EPHA3: variants seen among roughly 807,000 people sequenced by gnomAD.
EPHA3 encodes the protein ephrin type-A receptor 3.
In EPHA3, 42 loss-of-function variants were observed where a neutral mutation model predicts 107.1. That is an observed-to-expected ratio of 0.39 (90% CI 0.31 to 0.51). EPHA3 has a LOEUF of 0.51. Ranked by LOEUF, EPHA3 falls within the 20% of genes least tolerant of loss-of-function variation. The pLI is 0.78. For synonymous variants in EPHA3, 461 were observed against 424.8 expected (o/e 1.09, Z -1.05); for missense variants, 1,183 against 1,211.2 (o/e 0.98, Z 0.35).
In EPHA3 at chr3:89,429,135, A is replaced by C. The variant is rs766217704; in HGVS notation, c.2104A>C (p.Met702Leu). The C allele has an allele frequency of 6.2e-7, 1 of 1,610,864 alleles. No homozygotes were observed. The change falls in exon 12 of 17, where the codon ATG (methionine) becomes CTG (leucine). Residue 702 changes from methionine to leucine, a missense_variant. Met to Leu is a conservative substitution (Grantham distance 15). Coordinates refer to ENST00000336596, the MANE Select transcript of EPHA3 (RefSeq NM_005233.6). ...SKPVMIVTEY[M>L]ENGSLDSFLR... Reference sequence around the variant, plus strand: ...GCCAGTTATGATTGTCACAGAATACATGGAGAATGGTTCCTTGGATAGTTT... The same window carrying C: ...GCCAGTTATGATTGTCACAGAATACCTGGAGAATGGTTCCTTGGATAGTTT...
intron 5 of EPHA3, among the ~76,000 whole-genome samples, chr3:89,387,478 T>C (rs139977125): frequency 1.3e-5 from 2 of 152,182 alleles, no homozygotes; most frequent in Non-Finnish European, 2.9e-5. Context: ...TGAGTAACTA[T>C]GTCAATTAAG....
At chr3:89,297,537 C>T (rs1289765233) in intron 3 of EPHA3, among the ~76,000 whole-genome samples, 1 of 151,914 alleles carries the variant, frequency 6.6e-6, no homozygotes, top group African/African-American at 2.4e-5. Flanking sequence ...TCAAAGATCT[C>T]GGATCATAGA....
chr3:89,438,881 A>G (rs1709725791), intron 13 of EPHA3, among the ~76,000 whole-genome samples: 1 of 152,236 alleles, frequency 6.6e-6, no homozygotes, highest in Non-Finnish European at 1.5e-5. Flanking sequence ...ACTTAATGAA[A>G]AGTCTAGTAC....
At chr3:89,203,159 A>G (rs182849251) in intron 2 of EPHA3, among the ~76,000 whole-genome samples, 60 of 152,150 alleles carry the variant, frequency 3.9e-4, no homozygotes, top group Non-Finnish European at 6.6e-4. Context: ...GCAGACGTTA[A>G]AAGTCCAGTT....
At chr3:89,145,617 T>G (rs1299437407) in intron 2 of EPHA3, among the ~76,000 whole-genome samples, 2 of 151,854 alleles carry the variant, frequency 1.3e-5, no homozygotes, top group Non-Finnish European at 2.9e-5. Flanking sequence ...ATGAGTCAAA[T>G]TTTTTAAAAT....
In EPHA3 at chr3:89,479,347, T is replaced by G. The variant is rs752440947; in HGVS notation, c.2847-50T>G. ...ATTGTGCTAATTGAAAATCTCCTGC[T>G]TATACACTATCGAGGAAACCGATTC... On this transcript the variant is annotated intron_variant, in intron 16 of 16. Coordinates refer to ENST00000336596, the MANE Select transcript of EPHA3 (RefSeq NM_005233.6). 5.5e-6 allele frequency: 8 copies of G among 1,446,448 alleles called. No homozygotes were observed. In the African/African-American group the frequency reaches 7.0e-5, roughly 13 times the overall value. 89.6% of individuals were successfully genotyped at this position (1,446,448 alleles called of 1,614,324 possible).
chr3:89,447,237 A>G (rs1709893116), intron 13 of EPHA3, among the ~76,000 whole-genome samples: 1 of 152,026 alleles, frequency 6.6e-6, no homozygotes, highest in Non-Finnish European at 1.5e-5. Flanking sequence ...GGTCTCTCCA[A>G]TTTCATTTGT....
At chr3:89,386,829 T>C (rs1708632583) in intron 5 of EPHA3, among the ~76,000 whole-genome samples, 1 of 152,238 alleles carries the variant, frequency 6.6e-6, no homozygotes, top group African/African-American at 2.4e-5. Flanking sequence ...GACTTGGATA[T>C]GAGACATGGA....
intron 11 of EPHA3, among the ~76,000 whole-genome samples, chr3:89,422,192 A>AACACACACACAC (rs56370135): frequency 1.1e-4 from 16 of 140,570 alleles, no homozygotes; most frequent in African/African-American, 3.9e-4. Context: ...TGTTGTATTT[A>AACACACACACAC]ACACACACAC....
intron 5 of EPHA3, among the ~76,000 whole-genome samples, chr3:89,391,424 T>TC (rs1419505410): frequency 7.1e-6 from 1 of 140,046 alleles, no homozygotes; most frequent in Non-Finnish European, 1.5e-5. Context: ...TTCTTTTCTT[T>TC]TTTTTTTTTT....
At chr3:89,408,194 T>C in intron 9 of EPHA3, 63 bp downstream of exon 9, 1 of 1,504,222 alleles carries the variant, frequency 6.6e-7, no homozygotes, top group Non-Finnish European at 9.2e-7. Flanking sequence ...GTTATTGATT[T>C]ACAATTGGTT....
At position 89,333,273 on chromosome 3, in the gene EPHA3, T is replaced by G. The variant is rs560641577; in HGVS notation, c.815-7643T>G. ...CCCCATATGGGCCCACAGTGTTTAG[T>G]TCCTGTTTTATTGTTTCCCCTTCAT... On this transcript the variant is annotated intron_variant, in intron 3 of 16. Transcript: ENST00000336596. Among the ~76,000 whole-genome samples the G allele has an allele frequency of 1.6e-4, 25 of 152,310 alleles. No individual in the cohort carries two copies. The East Asian group carries it at 3.3e-3, about 20-fold the overall frequency.
At chr3:89,147,190 G>A (rs1270189826) in intron 2 of EPHA3, among the ~76,000 whole-genome samples, 11 of 151,832 alleles carry the variant, frequency 7.2e-5, no homozygotes, top group Non-Finnish European at 1.2e-4. Context: ...TGTCGGGGGT[G>A]GGGGTAAGGG....
intron 5 of EPHA3, among the ~76,000 whole-genome samples, chr3:89,342,863 A>G (rs1184023948): frequency 1.4e-5 from 2 of 141,310 alleles, no homozygotes; most frequent in Non-Finnish European, 3.1e-5. Flanking sequence ...ACACATACAC[A>G]CACACACACA....
chr3:89,405,135 G>A (rs1408020200), intron 7 of EPHA3, among the ~76,000 whole-genome samples: 2 of 152,056 alleles, frequency 1.3e-5, no homozygotes, highest in Non-Finnish European at 2.9e-5. Flanking sequence ...TGAGATGTAG[G>A]TCTGTCATTT....
chr3:89,299,589 T>C (rs1706436421), intron 3 of EPHA3, among the ~76,000 whole-genome samples: 1 of 152,052 alleles, frequency 6.6e-6, no homozygotes, highest in Non-Finnish European at 1.5e-5. Flanking sequence ...ATTTAATCAC[T>C]ACAGCATTAT....
At chr3:89,179,270 T>C (rs1483874223) in intron 2 of EPHA3, among the ~76,000 whole-genome samples, 2 of 152,102 alleles carry the variant, frequency 1.3e-5, no homozygotes, top group Admixed American at 1.3e-4. Context: ...TACTGATCTC[T>C]GATATCTCTT....
intron 3 of EPHA3, among the ~76,000 whole-genome samples, chr3:89,216,964 A>G (rs1188171898): frequency 6.6e-6 from 1 of 152,250 alleles, no homozygotes; most frequent in East Asian, 1.9e-4. Context: ...TGATGGACTT[A>G]GATTCTGTGA....
Position 89,219,688 on chromosome 3 carries a change from G to GTGTTTTTTTTTTTTTTTTTTTTTTTTTT in EPHA3, c.814+9169_814+9170insGTTTTTTTTTTTTTTTTTTTTTTTTTTT. Among the ~76,000 whole-genome samples the GTGTTTTTTTTTTTTTTTTTTTTTTTTTT allele has an allele frequency of 3.8e-4, 13 of 34,442 alleles. 5 individuals are homozygous for GTGTTTTTTTTTTTTTTTTTTTTTTTTTT. The highest frequency in any genetic ancestry group is 5.8e-4 in the Non-Finnish European group (11 of 19,126). 22.6% of individuals were successfully genotyped at this position (34,442 alleles called of 152,430 possible). A position where few individuals can be genotyped will look rare whatever the true frequency, so the allele number is the denominator to read the frequency against. ...TTACCTCCAAGAGGCATTTGGCAATGTTTTTTTTTTTTTTGTTTTTTGTTT... is the reference window on the plus strand; with the variant it reads ...TTACCTCCAAGAGGCATTTGGCAATGTGTTTTTTTTTTTTTTTTTTTTTTTTTTTTTTTTTTTTTTTTGTTTTTTGTTT... On this transcript the variant is annotated intron_variant, in intron 3 of 16. Transcript: ENST00000336596.
Sources: allele counts gnomAD v4.1 joint callset (sites outside exome capture counted in the v4.1 genomes callset), GRCh38; gene constraint gnomAD v4.1.1; transcripts MANE v1.5; gene names NCBI Gene and HGNC (gene_info 2026-07-23, HGNC 2026-07-21).